Variants in ADCK5 observed in about 807,000 individuals in gnomAD.
The protein encoded by ADCK5 is uncharacterized aarF domain-containing protein kinase 5.
A neutral mutation model predicts 64.9 loss-of-function variants in ADCK5; 43 were observed. The ratio of observed to expected loss-of-function variants is 0.66; its 90% CI spans 0.52 to 0.85. ADCK5 has a LOEUF of 0.85. Among genes scored for constraint, ADCK5 ranks in the 40% least tolerant of loss-of-function variants. ADCK5 has a pLI of 0.00. For missense variants in ADCK5, 760 were observed against 810.5 expected, an observed-to-expected ratio of 0.94 and a Z score of 0.76; for synonymous variants, 434 against 342.8, an observed-to-expected ratio of 1.27 and a Z score of -2.94.
chr8:144,375,584 A>G (rs1490153636), intron 1 of ADCK5: 9 of 985,286 alleles, frequency 9.1e-6, no homozygotes, highest in Non-Finnish European at 1.1e-5. Flanking sequence ...TCGGACATGC[A>G]TGTGGTTCTG....
At chr8:144,385,963 C>CA (rs879964077) in intron 3 of ADCK5, among the ~76,000 whole-genome samples, 192 of 133,498 alleles carry the variant, frequency 1.4e-3, no homozygotes, top group East Asian at 3.5e-3. Context: ...CTCTCTGTCT[C>CA]AAAAAAAAAA....
chr8:144,391,664 T>A lies in ADCK5; in HGVS notation c.883T>A (p.Phe295Ile), dbSNP rs1195994318. The change falls in exon 8 of 15, where the codon TTC (phenylalanine) becomes ATC (isoleucine). Residue 295 changes from phenylalanine (F) to isoleucine (I), a missense_variant. This residue lies in a region of ADCK5 where 427 missense variants were observed against 518.4 expected (regional missense o/e 0.82). Transcript: ENST00000308860. ...GCGCTGTGCGCGGGAGCTGGCGCAC[T>A]TCCCCTACGTCGTGGTGCCCCGCGT... The part of the protein sequence containing the change: ...AERCARELAH[F>I]PYVVVPRVHW... 6.5e-7 allele frequency: 1 copy of A among 1,544,024 alleles called. No homozygotes were observed. Among genetic ancestry groups the A allele is most frequent in the Non-Finnish European group, 8.7e-7 (1 of 1,148,856 alleles).
chr8:144,377,458 C>T (rs942497252), intron 1 of ADCK5: 1 of 152,206 alleles, frequency 6.6e-6, no homozygotes, highest in Non-Finnish European at 1.5e-5. Flanking sequence ...AGCGATTCTC[C>T]TGTCTCAGCC....
At position 144,392,542 on chromosome 8, in the gene ADCK5, G is replaced by A; in HGVS notation, c.1365G>A (p.Met455Ile). The stretch of plus-strand genomic sequence containing the variant: ...TGAGCCGCGAAGAGGCGGCCTACAT[G>A]GTGGACATGGCCCGCGAGCGCTTCG... ...HLLSREEAAY[M>I]VDMARERFEA... The change falls in exon 13 of 15, where the codon ATG becomes ATA. Residue 455 changes from methionine (M) to isoleucine (I), a missense_variant. Physicochemically the swap from Met to Ile is conservative, Grantham distance 10 (BLOSUM62 1). Coordinates refer to ENST00000308860, the MANE Select transcript of ADCK5 (RefSeq NM_174922.5). 6.4e-7 allele frequency: 1 copy of A among 1,563,396 alleles called. No homozygotes were observed. Among genetic ancestry groups the A allele is most frequent in the South Asian group, 1.2e-5 (1 of 86,128 alleles).
chr8:144,373,884 C>A (rs1467331516), upstream of ADCK5: 4 of 430,680 alleles, frequency 9.3e-6, no homozygotes, highest in Non-Finnish European at 1.5e-5. Flanking sequence ...GCGGTCCGGG[C>A]GCCAAAAGGT....
intron 2 of ADCK5, among the ~76,000 whole-genome samples, chr8:144,381,246 C>T (rs1586579790): frequency 7.3e-6 from 1 of 136,168 alleles, no homozygotes; most frequent in African/African-American, 2.9e-5. Context: ...ACCTGCCGCA[C>T]TCAGGATTAT....
rs1428957774 is a variant in ADCK5, at chr8:144,379,753, G to A, written c.116+263G>A. On this transcript the variant is annotated intron_variant, in intron 2 of 14. Transcript: ENST00000308860. ...AAATCGGGAAGGGTGCACATGGAGCGCCTGCTCTGAAGAGCAAACCGGGTC... is the reference window on the plus strand; with the variant it reads ...AAATCGGGAAGGGTGCACATGGAGCACCTGCTCTGAAGAGCAAACCGGGTC... 3.3e-5 allele frequency among the ~76,000 whole-genome samples: 5 copies of A among 152,208 alleles called. 1 individual carries two copies. The highest frequency in any genetic ancestry group is 1.9e-4 in the East Asian group (1 of 5,188).
upstream of ADCK5, chr8:144,373,970 GC>G: frequency 9.0e-7 from 1 of 1,112,292 alleles, no homozygotes; most frequent in Non-Finnish European, 1.1e-6. Flanking sequence ...CTCCAGCCTC[GC>G]CCACCGCCCA....
At chr8:144,392,748 G>GA in intron 13 of ADCK5, 28 bp from the exon 14 acceptor site, 1 of 1,586,600 alleles carries the variant, frequency 6.3e-7, no homozygotes, top group Non-Finnish European at 8.6e-7. Flanking sequence ...GTGTGGGGCT[G>GA]ACGCGGCGCT....
At chr8:144,388,402 T>C (rs1263307824) in intron 3 of ADCK5, among the ~76,000 whole-genome samples, 1 of 151,110 alleles carries the variant, frequency 6.6e-6, no homozygotes, top group African/African-American at 2.4e-5. Context: ...AGCACAAGTC[T>C]GTGGGACTTT....
In ADCK5 at chr8:144,391,350, G is replaced by T. The variant is rs782114214; in HGVS notation, c.685-11G>T. ...GGCCCCAAGTTCTCACCACACCCTC[G>T]CCCAGTGCAGGTGCAGTACATCGAC... On this transcript the variant is annotated splice_polypyrimidine_tract_variant and intron_variant, in intron 6 of 14. Transcript: ENST00000308860. 26 of 1,612,776 alleles carry T rather than the reference G, an allele frequency of 1.6e-5. No individual in the cohort carries two copies. The East Asian group carries it at 5.3e-4, about 33-fold the overall frequency.
chr8:144,381,073 C>T (rs1819600707), intron 2 of ADCK5, among the ~76,000 whole-genome samples: 1 of 149,272 alleles, frequency 6.7e-6, no homozygotes, highest in African/African-American at 2.5e-5. Context: ...TGTGCTCAGG[C>T]ACCTGCTGCA....
In ADCK5 at chr8:144,379,404, C is replaced by T. The variant is rs1355611330; in HGVS notation, c.30C>T (p.Phe10=). Residue 10 remains phenylalanine, a synonymous_variant, in exon 2 of 15, where the codon TTC becomes TTT. Coordinates refer to ENST00000308860, the MANE Select transcript of ADCK5 (RefSeq NM_174922.5). The part of the protein sequence containing the change: MWRPVQLCH[F]HSALLHSRQK... ...CTTTGCAGGTGCAGCTCTGTCATTT[C>T]CACTCTGCTCTGCTGCACAGCAGGC... 6.2e-7 allele frequency: 1 copy of T among 1,608,100 alleles called. No homozygotes were observed. Among genetic ancestry groups the T allele is most frequent in the Non-Finnish European group, 8.5e-7 (1 of 1,176,600 alleles).
intron 1 of ADCK5, among the ~76,000 whole-genome samples, chr8:144,378,997 G>A (rs1237573603): frequency 1.3e-5 from 2 of 150,676 alleles, no homozygotes; most frequent in Non-Finnish European, 3.0e-5. Flanking sequence ...GTAGTGGCGC[G>A]ATTTCAGCTC....
intron 1 of ADCK5, among the ~76,000 whole-genome samples, chr8:144,379,185 G>A (rs1208710929): frequency 6.6e-6 from 1 of 151,998 alleles, no homozygotes; most frequent in Non-Finnish European, 1.5e-5. Context: ...CACCCGCCTC[G>A]GCCTCCTAAA....
At chr8:144,375,760 C>T in intron 1 of ADCK5, 1 of 741,186 alleles carries the variant, frequency 1.3e-6, no homozygotes, top group Non-Finnish European at 1.6e-6. Context: ...CATAAGAAAG[C>T]ATGAGAGGTT....
chr8:144,380,416 G>A (rs1819557538), intron 2 of ADCK5, among the ~76,000 whole-genome samples: 1 of 149,998 alleles, frequency 6.7e-6, no homozygotes. Flanking sequence ...AAACAGATGT[G>A]TGCTCAGGCA....
rs1456848736 is a variant in ADCK5 at position 144,391,671 on chromosome 8, A to G, written c.890A>G (p.Tyr297Cys). The G allele has an allele frequency of 6.5e-7, 1 of 1,542,664 alleles. No individual in the cohort carries two copies. The highest frequency in any genetic ancestry group is 1.4e-5 in the African/African-American group (1 of 73,238). ...RCARELAHFP[Y>C]VVVPRVHWDK... ...GCGCGGGAGCTGGCGCACTTCCCCT[A>G]CGTCGTGGTGCCCCGCGTGCACTGG... is the stretch of plus-strand genomic sequence containing the variant. Residue 297 changes from tyrosine to cysteine, a missense_variant, in exon 8 of 15, where the codon TAC becomes TGC. By Grantham distance (194) the Tyr-to-Cys change is radical. Transcript: ENST00000308860.
Position 144,392,641 on chromosome 8 carries a change from C to A in ADCK5, c.1464C>A (p.Arg488=). The A allele has an allele frequency of 6.3e-7, 1 of 1,594,262 alleles. No individual in the cohort carries two copies. Among genetic ancestry groups the A allele is most frequent in the Non-Finnish European group, 8.5e-7 (1 of 1,172,962 alleles). The change falls in exon 13 of 15, where the codon CGC becomes CGA. Residue 488 remains arginine, a synonymous_variant. Coordinates refer to ENST00000308860, the MANE Select transcript of ADCK5 (RefSeq NM_174922.5). ...LLVLRNINTV[R]AINVALGAPV... ...TGCTGCGCAACATCAACACCGTGCG[C>A]GCTATCAACGTGGCCCTCGGCGCCC... is the stretch of plus-strand genomic sequence containing the variant.
Sources: allele counts gnomAD v4.1 joint callset (sites outside exome capture counted in the v4.1 genomes callset), GRCh38; gene constraint gnomAD v4.1.1; regional missense constraint gnomAD v4.1.1; transcripts MANE v1.5; gene names NCBI Gene and HGNC (gene_info 2026-07-23, HGNC 2026-07-21).